The following CCDC88C variants were observed in gnomAD, a reference collection of about 807,000 sequenced individuals.
CCDC88C encodes the protein coiled-coil and HOOK domain protein 88C.
A neutral mutation model predicts 198.8 loss-of-function variants in CCDC88C; 131 were observed. The ratio of observed to expected loss-of-function variants is 0.66; its 90% CI spans 0.57 to 0.76. The LOEUF (loss-of-function observed/expected upper bound fraction) is 0.76, where lower values mean the gene tolerates loss of function less well. CCDC88C is among the 30% of genes least tolerant of loss of function. CCDC88C has a pLI of 0.00. For synonymous variants in CCDC88C, 1,166 were observed against 1,114.7 expected, an observed-to-expected ratio of 1.05 and a Z score of -0.92; for missense variants, 2,553 against 2,631.6, an observed-to-expected ratio of 0.97 and a Z score of 0.65.
chr14:91,295,404 G>C (rs1388185161), intron 22 of CCDC88C, among the ~76,000 whole-genome samples: 2 of 152,150 alleles, frequency 1.3e-5, no homozygotes, highest in African/African-American at 4.8e-5. Flanking sequence ...CACGAGGCTT[G>C]GGAGTCAGGC....
In CCDC88C at chr14:91,290,902, C is replaced by A. The variant is rs949186151; in HGVS notation, c.4202+93G>T. 2.7e-5 allele frequency: 20 copies of A among 742,610 alleles called. 1 individual carries two copies. The highest frequency in any genetic ancestry group is 4.8e-5 in the Non-Finnish European group (20 of 417,690). 46.0% of individuals were successfully genotyped at this position (742,610 alleles called of 1,614,324 possible). ...GGCATCTGTGCACAGGTGGATGGTGCGGGGCCTGCCCTAGATGGCTGCTTT... is the reference window on the plus strand; with the variant it reads ...GGCATCTGTGCACAGGTGGATGGTGAGGGGCCTGCCCTAGATGGCTGCTTT... On this transcript the variant is annotated intron_variant, in intron 24 of 29. Coordinates refer to ENST00000389857, the MANE Select transcript of CCDC88C (RefSeq NM_001080414.4).
At chr14:91,328,791 C>A (rs1232120278) in intron 10 of CCDC88C, among the ~76,000 whole-genome samples, 1 of 152,222 alleles carries the variant, frequency 6.6e-6, no homozygotes, top group Non-Finnish European at 1.5e-5. Context: ...AACTCGCCAG[C>A]CGCCATCACC....
At chr14:91,307,301 G>T in intron 17 of CCDC88C, 75 bp from the exon 18 acceptor site, 1 of 1,335,532 alleles carries the variant, frequency 7.5e-7, no homozygotes, top group South Asian at 1.2e-5. Context: ...AGTGGCTGAG[G>T]GCAACCTGCA....
intron 25 of CCDC88C, chr14:91,285,683 A>G (rs1185736473): frequency 1.6e-6 from 2 of 1,288,782 alleles, no homozygotes; most frequent in Non-Finnish European, 2.0e-6. Context: ...GAAATCTCCA[A>G]TGTCGGAGAA....
rs751483743 is a variant in CCDC88C, at chr14:91,272,582, C to A, written c.*43G>T. On this transcript the variant is annotated 3_prime_UTR_variant, in exon 30 of 30. Transcript: ENST00000389857. ...AGAAAAGGCCGTGAGAGTCGGAAGGCGCGTCAGTAGTTTTCAGGTTTGCGA... is the reference window on the plus strand; with the variant it reads ...AGAAAAGGCCGTGAGAGTCGGAAGGAGCGTCAGTAGTTTTCAGGTTTGCGA... 6.4e-7 allele frequency: 1 copy of A among 1,557,912 alleles called. No homozygotes were observed. The highest frequency in any genetic ancestry group is 1.1e-5 in the South Asian group (1 of 87,104).
intron 26 of CCDC88C, among the ~76,000 whole-genome samples, chr14:91,281,924 G>A (rs906400048): frequency 6.6e-6 from 1 of 152,168 alleles, no homozygotes; most frequent in African/African-American, 2.4e-5. Context: ...GAGGAAGAAG[G>A]AAGAAAAAGA....
At chr14:91,330,508 C>A (rs553976841) in intron 10 of CCDC88C, among the ~76,000 whole-genome samples, 1 of 152,312 alleles carries the variant, frequency 6.6e-6, no homozygotes, top group Non-Finnish European at 1.5e-5. Flanking sequence ...TCTGGAGTAA[C>A]ATGAGCGAGG....
chr14:91,277,105 G>A (rs1889999374), intron 29 of CCDC88C, among the ~76,000 whole-genome samples: 5 of 152,184 alleles, frequency 3.3e-5, no homozygotes, highest in Admixed American at 3.3e-4. Context: ...GAGTAGTTGG[G>A]GTTAAAGGCA....
intron 2 of CCDC88C, among the ~76,000 whole-genome samples, chr14:91,408,989 C>T (rs763697753): frequency 1.3e-5 from 2 of 152,156 alleles, no homozygotes; most frequent in African/African-American, 4.8e-5. Context: ...CCTGGCCCAC[C>T]GCAGGCCCTC....
rs1354363340 is a variant in CCDC88C at position 91,278,220 on chromosome 14, C to T, written c.4769-9G>A. On this transcript the variant is annotated splice_polypyrimidine_tract_variant and intron_variant, in intron 28 of 29. Transcript: ENST00000389857. ...GAGCTGCTCGGAGGAGCCTGGGTGT[C>T]AGGGCAGGAGACAGAGGACCCTCAT... 6.3e-7 allele frequency: 1 copy of T among 1,587,832 alleles called. No homozygotes were observed.
intron 4 of CCDC88C, among the ~76,000 whole-genome samples, chr14:91,347,938 T>C (rs571331272): frequency 5.9e-5 from 9 of 152,290 alleles, no homozygotes; most frequent in African/African-American, 2.2e-4. Flanking sequence ...CCAACCTAAA[T>C]GTCCAACAAC....
At chr14:91,392,649 G>A (rs751850313) in intron 3 of CCDC88C, among the ~76,000 whole-genome samples, 23 of 152,192 alleles carry the variant, frequency 1.5e-4, no homozygotes, top group Middle Eastern at 3.4e-3. Context: ...AGCCCAGCCC[G>A]AGGACCTGGC....
Position 91,343,673 on chromosome 14 carries a change from A to C in CCDC88C, c.341-16T>G. 6.2e-7 allele frequency: 1 copy of C among 1,613,316 alleles called. No individual in the cohort carries two copies. The highest frequency in any genetic ancestry group is 8.5e-7 in the Non-Finnish European group (1 of 1,179,826). On this transcript the variant is annotated splice_polypyrimidine_tract_variant and intron_variant, in intron 4 of 29. Coordinates refer to ENST00000389857, the MANE Select transcript of CCDC88C (RefSeq NM_001080414.4). ...ATGCTCTTCCCTAGATCAAGAGAGCAACACATTTAACTCAGCTCAACTGCT... is the reference window on the plus strand; with the variant it reads ...ATGCTCTTCCCTAGATCAAGAGAGCCACACATTTAACTCAGCTCAACTGCT...
chr14:91,309,720 T>C (rs938555359), intron 16 of CCDC88C, 139 bp downstream of exon 16: 15 of 736,480 alleles, frequency 2.0e-5, no homozygotes, highest in African/African-American at 7.2e-5. Flanking sequence ...CCAAGGAACT[T>C]TGGGTTCAAG....
At chr14:91,281,881 G>A (rs1296962890) in intron 26 of CCDC88C, among the ~76,000 whole-genome samples, 2 of 152,140 alleles carry the variant, frequency 1.3e-5, no homozygotes, top group African/African-American at 2.4e-5. Context: ...AGAGCAATTC[G>A]CTTTCAGCAG....
Position 91,277,905 on chromosome 14 carries a change from G to A in CCDC88C, c.5058+17C>T, listed in dbSNP as rs187588881. On this transcript the variant is annotated intron_variant, in intron 29 of 29. Transcript: ENST00000389857. ...GAGGGAAGAGAGACGGGCCAAGTCC[G>A]TGTCCGGATCACTCACATGGGTGGG... 3.5e-5 allele frequency: 52 copies of A among 1,475,826 alleles called. No individual in the cohort carries two copies. In the East Asian group the frequency reaches 8.8e-4, roughly 25 times the overall value. 91.4% of individuals were successfully genotyped at this position (1,475,826 alleles called of 1,614,324 possible).
intron 10 of CCDC88C, among the ~76,000 whole-genome samples, chr14:91,327,864 C>T (rs909962799): frequency 1.3e-5 from 2 of 152,222 alleles, no homozygotes; most frequent in African/African-American, 4.8e-5. Flanking sequence ...GCTTCACCCT[C>T]ACAAGCAACT....
rs752534914 is a variant in CCDC88C, at chr14:91,313,382, G to C, written c.2434C>G (p.Gln812Glu). The C allele has an allele frequency of 1.6e-5, 25 of 1,609,574 alleles. No homozygotes were observed. Among genetic ancestry groups the C allele is most frequent in the Non-Finnish European group, 2.1e-5 (25 of 1,179,794 alleles). Residue 812 changes from glutamine to glutamate, a missense_variant, in exon 15 of 30, where the codon CAG becomes GAG. Physicochemically the swap from Gln to Glu is conservative, Grantham distance 29. Transcript: ENST00000389857. The surrounding 1 kb of genome is among the most constrained non-coding windows in gnomAD (Gnocchi z 5.2). The part of the protein sequence containing the change: ...DLEALRLANA[Q>E]LEGAEKDRKA... ...CTGTCCTTCTCGGCCCCCTCCAACT[G>C]TGCATTGGCCAGCCGGAGGGCCTCC...
Position 91,288,096 on chromosome 14 carries a change from A to C in CCDC88C, c.4441+1009T>G, listed in dbSNP as rs752365666. Among the ~76,000 whole-genome samples, 1 of 152,236 alleles carries C rather than the reference A, an allele frequency of 6.6e-6. No homozygotes were observed. Among genetic ancestry groups the C allele is most frequent in the Non-Finnish European group, 1.5e-5 (1 of 68,040 alleles). ...TTTTCCTTTTACGTGTGTGTACAAA[A>C]ATCGAATTCTTATTTAGAAAAGCTC... On this transcript the variant is annotated intron_variant, in intron 25 of 29. Coordinates refer to ENST00000389857, the MANE Select transcript of CCDC88C (RefSeq NM_001080414.4). The surrounding 1 kb of genome is among the most constrained non-coding windows in gnomAD (Gnocchi z 4.2).
Sources: allele counts gnomAD v4.1 joint callset (sites outside exome capture counted in the v4.1 genomes callset), GRCh38; gene constraint gnomAD v4.1.1; non-coding constraint Gnocchi (gnomAD v3.1); transcripts MANE v1.5; gene names NCBI Gene and HGNC (gene_info 2026-07-23, HGNC 2026-07-21).